The following TCP11 variants were observed in gnomAD, a reference collection of about 807,000 sequenced individuals.
TCP11 encodes the protein T-complex protein 11 homolog.
In TCP11, 34 loss-of-function variants were observed where a neutral mutation model predicts 45.0. That is an observed-to-expected ratio of 0.76 (90% CI 0.57 to 1.01). TCP11 has a LOEUF of 1.01. Among genes scored for constraint, TCP11 ranks in the 50% least tolerant of loss-of-function variants. The pLI is 0.00. For synonymous variants in TCP11, 227 were observed against 227.0 expected, an observed-to-expected ratio of 1.00 and a Z score of 0.00; for missense variants, 523 against 598.1, an observed-to-expected ratio of 0.87 and a Z score of 1.31.
At chr6:35,123,414 G>A (rs995047293) in intron 4 of TCP11, among the ~76,000 whole-genome samples, 1 of 151,880 alleles carries the variant, frequency 6.6e-6, no homozygotes, top group African/African-American at 2.4e-5. Flanking sequence ...ATCCTCCAAG[G>A]TGAAGGACAA....
chr6:35,137,882 T>C (rs188030207), intron 2 of TCP11: 11 of 439,976 alleles, frequency 2.5e-5, no homozygotes, highest in African/African-American at 1.8e-4. Flanking sequence ...GGGCTCATTG[T>C]ATTAGTCATT....
chr6:35,136,468 C>T (rs891652913), intron 2 of TCP11, among the ~76,000 whole-genome samples: 3 of 149,928 alleles, frequency 2.0e-5, no homozygotes, highest in Non-Finnish European at 4.4e-5. Flanking sequence ...GGAAGTGAAA[C>T]AGATGAAAAA....
In TCP11 at chr6:35,129,234, A is replaced by G. The variant is rs1473395656; in HGVS notation, c.237-52T>C. ...ACTCTCTCAACCCAAAAACAGTTAC[A>G]GTGTCATAACCTCCTAAACCCCAAA... On this transcript the variant is annotated intron_variant, in intron 3 of 9. Coordinates refer to ENST00000311875, the MANE Select transcript of TCP11 (RefSeq NM_001370687.1). The G allele has an allele frequency of 3.8e-6, 6 of 1,585,026 alleles. No homozygotes were observed. The African/African-American group carries it at 5.4e-5, about 14-fold the overall frequency.
At chr6:35,121,085 A>T (rs1779182883) in intron 5 of TCP11, 40 bp from the exon 6 acceptor site, 1 of 1,557,004 alleles carries the variant, frequency 6.4e-7, no homozygotes, top group Non-Finnish European at 8.7e-7. Flanking sequence ...CTACTAAGCT[A>T]GAAACCCACC....
At chr6:35,140,210 T>C in intron 2 of TCP11, 1 of 1,529,232 alleles carries the variant, frequency 6.5e-7, no homozygotes, top group Non-Finnish European at 8.8e-7. Context: ...CTCAGTTTGA[T>C]GACTAGTTAC....
chr6:35,135,948 A>G (rs1781030083), intron 3 of TCP11, among the ~76,000 whole-genome samples, 159 bp downstream of exon 3: 1 of 152,182 alleles, frequency 6.6e-6, no homozygotes, highest in Admixed American at 6.5e-5. Context: ...GGTACTAATA[A>G]TTACAACTTA....
At chr6:35,118,786 T>C (rs1402031476) in intron 9 of TCP11, among the ~76,000 whole-genome samples, 1 of 152,210 alleles carries the variant, frequency 6.6e-6, no homozygotes, top group African/African-American at 2.4e-5. Context: ...AGGAGGAACT[T>C]AGACTGATCC....
chr6:35,136,334 C>A, intron 2 of TCP11, 116 bp from the exon 3 acceptor site: 1 of 678,372 alleles, frequency 1.5e-6, no homozygotes, highest in Admixed American at 2.7e-5. Flanking sequence ...CACAGACTCA[C>A]CCAACTATTC....
intron 4 of TCP11, among the ~76,000 whole-genome samples, chr6:35,122,833 G>A (rs1779435724): frequency 6.6e-6 from 1 of 152,138 alleles, no homozygotes; most frequent in East Asian, 1.9e-4. Context: ...GGACATGGTG[G>A]GGGCCTAGGG....
intron 4 of TCP11, among the ~76,000 whole-genome samples, chr6:35,124,082 C>A (rs1308365288): frequency 6.6e-6 from 1 of 152,182 alleles, no homozygotes; most frequent in Non-Finnish European, 1.5e-5. Flanking sequence ...GCCTGAGCCA[C>A]CACAGCCAGC....
At position 35,120,974 on chromosome 6, in the gene TCP11, T is replaced by A; in HGVS notation, c.650A>T (p.His217Leu). Residue 217 changes from histidine (H) to leucine (L), a missense_variant, in exon 6 of 10, where the codon CAC becomes CTC. By Grantham distance (99) the His-to-Leu change is moderately conservative. Coordinates refer to ENST00000311875, the MANE Select transcript of TCP11 (RefSeq NM_001370687.1). This position sits in a 1 kb window ranked among gnomAD's most constrained non-coding sequence, Gnocchi z 4.9. ...ATACTGAATGGAATGTTCCTGCAGG[T>A]GGGGTTGAAGGCTCTGGATAGTGTA... ...VNYTIQSLQP[H>L]LQEHSIQYER... 6.2e-7 allele frequency: 1 copy of A among 1,614,006 alleles called. No homozygotes were observed. Among genetic ancestry groups the A allele is most frequent in the Non-Finnish European group, 8.5e-7 (1 of 1,179,972 alleles).
rs899924825 is a variant in TCP11, at chr6:35,141,283, C to A, written c.-93G>T. 2 of 1,295,344 alleles carry A rather than the reference C, an allele frequency of 1.5e-6. No individual in the cohort carries two copies. Among genetic ancestry groups the A allele is most frequent in the South Asian group, 2.2e-5 (1 of 44,640 alleles). 80.2% of individuals were successfully genotyped at this position (1,295,344 alleles called of 1,614,324 possible). A position where few individuals can be genotyped will look rare whatever the true frequency, so the allele number is the denominator to read the frequency against. On this transcript the variant is annotated 5_prime_UTR_variant, in exon 1 of 10. Coordinates refer to ENST00000311875, the MANE Select transcript of TCP11 (RefSeq NM_001370687.1). ...GGCCTGGCGGCCTGGAGCGTACCAC[C>A]GCGGCGGAGCGGCGGGTTGGGGCGT...
intron 4 of TCP11, among the ~76,000 whole-genome samples, chr6:35,124,700 C>G (rs2127652892): frequency 2.0e-5 from 3 of 152,160 alleles, no homozygotes; most frequent in Middle Eastern, 6.8e-3. Context: ...TATATAAGGT[C>G]AAATGATTTT....
chr6:35,141,242 G>A lies in TCP11; in HGVS notation c.-52C>T. The A allele has an allele frequency of 1.5e-6, 2 of 1,349,186 alleles. No individual in the cohort carries two copies. The highest frequency in any genetic ancestry group is 2.7e-4 in the Middle Eastern group (1 of 3,696). The allele number at this position is 1,349,186 out of a possible 1,614,324, so 83.6% of individuals were successfully genotyped here. On this transcript the variant is annotated 5_prime_UTR_variant, in exon 1 of 10. Coordinates refer to ENST00000311875, the MANE Select transcript of TCP11 (RefSeq NM_001370687.1). ...CGCCGCGGGTCATCCACTGGCGTCC[G>A]CTCGGTGGGCCTCGCGGCCTGGCGG...
chr6:35,140,338 G>C (rs1417630166), intron 2 of TCP11: 4 of 764,134 alleles, frequency 5.2e-6, no homozygotes, highest in Non-Finnish European at 8.3e-6. Context: ...CTACAGAACC[G>C]AGCTAGAGAC....
At position 35,118,147 on chromosome 6, in the gene TCP11, G is replaced by T; in HGVS notation, c.*122C>A. On this transcript the variant is annotated 3_prime_UTR_variant, in exon 10 of 10. Coordinates refer to ENST00000311875, the MANE Select transcript of TCP11 (RefSeq NM_001370687.1). ...TTACATGCTTGATCCCTACAGCCTTGGTGTACTGGCTGCAGGGCCTGGGAT... is the reference window on the plus strand; with the variant it reads ...TTACATGCTTGATCCCTACAGCCTTTGTGTACTGGCTGCAGGGCCTGGGAT... 1.3e-6 allele frequency: 1 copy of T among 782,026 alleles called. No homozygotes were observed. Among genetic ancestry groups the T allele is most frequent in the Non-Finnish European group, 2.2e-6 (1 of 461,946 alleles). 48.4% of individuals were successfully genotyped at this position (782,026 alleles called of 1,614,324 possible).
chr6:35,134,330 G>C (rs1323028364), intron 3 of TCP11, among the ~76,000 whole-genome samples: 2 of 146,506 alleles, frequency 1.4e-5, no homozygotes, highest in African/African-American at 2.6e-5. Context: ...AAACAGGCTG[G>C]AGTGCAGTGG....
chr6:35,133,793 A>G (rs991788127), intron 3 of TCP11, among the ~76,000 whole-genome samples: 1 of 145,648 alleles, frequency 6.9e-6, no homozygotes, highest in Non-Finnish European at 1.5e-5. Flanking sequence ...TTCATCTCAG[A>G]AAAAAAAAAA....
At chr6:35,127,704 C>G (rs1322091769) in intron 4 of TCP11, among the ~76,000 whole-genome samples, 1 of 152,116 alleles carries the variant, frequency 6.6e-6, no homozygotes, top group Non-Finnish European at 1.5e-5. Context: ...GTCAGTGAAA[C>G]TGGCTGAATT....
Sources: gnomAD v4.1 joint callset for allele counts (sites outside exome capture counted in the v4.1 genomes callset) on GRCh38, gnomAD v4.1.1 for gene constraint, Gnocchi (gnomAD v3.1) non-coding constraint, MANE v1.5 for transcripts, NCBI Gene and HGNC (gene_info 2026-07-23, HGNC 2026-07-21) for gene names.